The following WDR19 variants were observed in gnomAD, a reference collection of about 807,000 sequenced individuals.
WDR19 encodes the protein WD repeat domain 19.
In WDR19, 121 loss-of-function variants were observed where a neutral mutation model predicts 180.0. That is an observed-to-expected ratio of 0.67 (90% CI 0.58 to 0.78). The LOEUF (loss-of-function observed/expected upper bound fraction) is 0.78. WDR19 is among the 30% of genes least tolerant of loss of function. The pLI is 0.00. For missense variants in WDR19, 1,450 were observed against 1,640.7 expected (o/e 0.88, Z 2.01); for synonymous variants, 497 against 540.7 (o/e 0.92, Z 1.12).
intron 14 of WDR19, 141 bp downstream of exon 14, chr4:39,218,246 AC>A: frequency 9.4e-7 from 1 of 1,068,536 alleles, no homozygotes; most frequent in Non-Finnish European, 1.3e-6. Context: ...TTAATTATAT[AC>A]ATTCATGTGT....
chr4:39,277,006 A>G lies in WDR19; in HGVS notation c.3717-14A>G. On this transcript the variant is annotated splice_polypyrimidine_tract_variant and intron_variant, in intron 33 of 36. Coordinates refer to ENST00000399820, the MANE Select transcript of WDR19 (RefSeq NM_025132.4). Reference sequence around the variant, plus strand: ...TAAAACGGCATTTTTAAATGACATGATTCTTCCTCACAGGAGACCCGATAT... The same window carrying G: ...TAAAACGGCATTTTTAAATGACATGGTTCTTCCTCACAGGAGACCCGATAT... 1 of 1,610,792 alleles carries G rather than the reference A, an allele frequency of 6.2e-7. No homozygotes were observed. The highest frequency in any genetic ancestry group is 8.5e-7 in the Non-Finnish European group (1 of 1,179,178).
intron 14 of WDR19, chr4:39,218,822 TA>T (rs889727506): frequency 1.3e-5 from 2 of 152,198 alleles, no homozygotes; most frequent in African/African-American, 2.4e-5. Flanking sequence ...AATATTTTCT[TA>T]AAAAATATTT....
chr4:39,234,919 GC>G, intron 20 of WDR19, 44 bp downstream of exon 20: 9 of 1,239,294 alleles, frequency 7.3e-6, no homozygotes, highest in African/African-American at 1.5e-5. Context: ...GCTAATGACT[GC>G]AAATATCTTC....
At chr4:39,205,411 T>G (rs761328181) in intron 8 of WDR19, 145 bp downstream of exon 8, 4 of 1,173,450 alleles carry the variant, frequency 3.4e-6, no homozygotes, top group Non-Finnish European at 4.8e-6. Context: ...TGATTTAGTA[T>G]GCAAAACTAC....
intron 24 of WDR19, among the ~76,000 whole-genome samples, chr4:39,249,428 A>G (rs138217283): frequency 0.33 from 50,145 of 150,720 alleles, 8,061 homozygotes; most frequent in African/African-American, 0.38. Flanking sequence ...CATCACAATT[A>G]AAAGAACTAG....
At chr4:39,258,811 G>A (rs1474894789) in intron 28 of WDR19, among the ~76,000 whole-genome samples, 1 of 151,968 alleles carries the variant, frequency 6.6e-6, no homozygotes, top group African/African-American at 2.4e-5. Context: ...GTGCTTTTTG[G>A]TCCCATTAAG....
chr4:39,193,792 C>A (rs1202917301), intron 4 of WDR19, among the ~76,000 whole-genome samples: 3 of 152,202 alleles, frequency 2.0e-5, no homozygotes, highest in African/African-American at 4.8e-5. Flanking sequence ...TATGAAAACA[C>A]AGGTAGCTGG....
At chr4:39,277,909 C>A (rs190412222) in intron 34 of WDR19, among the ~76,000 whole-genome samples, 1 of 152,178 alleles carries the variant, frequency 6.6e-6, no homozygotes, top group African/African-American at 2.4e-5. Flanking sequence ...CAAAAATTAG[C>A]CAAGCATGGT....
rs753578673 is a variant in WDR19 at position 39,232,266 on chromosome 4, C to T, written c.2247C>T (p.Ala749=). 4.4e-6 allele frequency: 7 copies of T among 1,599,008 alleles called. No homozygotes were observed. The African/African-American group carries it at 9.4e-5, about 22-fold the overall frequency. Residue 749 remains alanine (A), a synonymous_variant, in exon 19 of 37, where the codon GCC becomes GCT. Transcript: ENST00000399820. ...LYLASSCPIA[A]LEMRRDLQHW... ...TTGCATCCAGCTGTCCTATTGCTGCCCTGGAGGTATGGCAGCAAGTAAGAA... is the reference window on the plus strand; with the variant it reads ...TTGCATCCAGCTGTCCTATTGCTGCTCTGGAGGTATGGCAGCAAGTAAGAA...
At chr4:39,267,965 G>A in intron 29 of WDR19, 30 bp from the exon 30 acceptor site, 4 of 1,565,426 alleles carry the variant, frequency 2.6e-6, no homozygotes, top group Non-Finnish European at 2.6e-6. Flanking sequence ...AATGAAGAAA[G>A]TAATGTTTCT....
chr4:39,258,144 A>G (rs1733940422), intron 28 of WDR19, among the ~76,000 whole-genome samples: 1 of 148,286 alleles, frequency 6.7e-6, no homozygotes, highest in Non-Finnish European at 1.5e-5. Flanking sequence ...GTTATTGCAC[A>G]TAGCAGTAAG....
intron 30 of WDR19, 21 bp from the exon 31 acceptor site, chr4:39,269,955 G>A (rs371520383): frequency 2.4e-5 from 39 of 1,611,292 alleles, no homozygotes; most frequent in Admixed American, 2.3e-4. Context: ...CAGTAATGTC[G>A]TTTTACCACC....
At position 39,244,272 on chromosome 4, in the gene WDR19, G is replaced by A. The variant is rs1389610954; in HGVS notation, c.2446G>A (p.Gly816Arg). The change falls in exon 22 of 37, where the codon GGA becomes AGA. Residue 816 changes from glycine to arginine, a missense_variant. Coordinates refer to ENST00000399820, the MANE Select transcript of WDR19 (RefSeq NM_025132.4). ...NKEHDEACLA[G>R]VAQMSIRMGD... Reference sequence around the variant, plus strand: ...GGAACATGATGAAGCTTGTCTGGCTGGAGTGGCCCAGATGTCCATAAGAAT... The same window carrying A: ...GGAACATGATGAAGCTTGTCTGGCTAGAGTGGCCCAGATGTCCATAAGAAT... The A allele has an allele frequency of 1.9e-6, 3 of 1,613,152 alleles. No individual in the cohort carries two copies. The highest frequency in any genetic ancestry group is 1.7e-5 in the Admixed American group (1 of 59,982).
chr4:39,225,083 G>GA (rs777716179), intron 15 of WDR19, 50 bp downstream of exon 15: 98 of 1,413,768 alleles, frequency 6.9e-5, no homozygotes, highest in Non-Finnish European at 8.7e-5. Flanking sequence ...GCAATATAGG[G>GA]AAAAAAAGTG....
At chr4:39,224,734 A>G (rs1577923657) in intron 14 of WDR19, 150 bp from the exon 15 acceptor site, 1 of 713,264 alleles carries the variant, frequency 1.4e-6, no homozygotes, top group East Asian at 3.0e-5. Context: ...TGTACCTTTC[A>G]CATATACTAA....
chr4:39,261,179 C>T (rs536365688), intron 28 of WDR19, among the ~76,000 whole-genome samples: 43 of 147,202 alleles, frequency 2.9e-4, no homozygotes, highest in African/African-American at 9.3e-4. Context: ...TTAGTAGAGA[C>T]GGATGTTTTA....
chr4:39,209,823 C>G (rs571035880), intron 9 of WDR19, among the ~76,000 whole-genome samples: 1 of 151,928 alleles, frequency 6.6e-6, no homozygotes, highest in Non-Finnish European at 1.5e-5. Flanking sequence ...CAACAAATCA[C>G]CAATATCAAG....
intron 9 of WDR19, among the ~76,000 whole-genome samples, chr4:39,209,158 C>G (rs747797952): frequency 1.3e-5 from 2 of 152,134 alleles, no homozygotes; most frequent in Non-Finnish European, 2.9e-5. Flanking sequence ...AAAATATGTT[C>G]TCTGACCATA....
intron 3 of WDR19, among the ~76,000 whole-genome samples, chr4:39,189,085 G>C (rs1345660820): frequency 6.6e-6 from 1 of 152,054 alleles, no homozygotes; most frequent in East Asian, 1.9e-4. Context: ...ACCATGCCCA[G>C]CTAATTTTTG....
Sources: allele counts gnomAD v4.1 joint callset (sites outside exome capture counted in the v4.1 genomes callset), GRCh38; gene constraint gnomAD v4.1.1; transcripts MANE v1.5; gene names NCBI Gene and HGNC (gene_info 2026-07-23, HGNC 2026-07-21).